GRM8: variants seen among roughly 807,000 people sequenced by gnomAD.
GRM8 encodes the protein metabotropic glutamate receptor 8.
A neutral mutation model predicts 87.2 loss-of-function variants in GRM8; 47 were observed. The ratio of observed to expected loss-of-function variants is 0.54; its 90% CI spans 0.43 to 0.69. The LOEUF is 0.69. GRM8 is among the 30% of genes least tolerant of loss of function. GRM8 has a pLI of 0.00. For synonymous variants in GRM8, 396 were observed against 404.5 expected, an observed-to-expected ratio of 0.98 and a Z score of 0.25; for missense variants, 1,019 against 1,139.2, an observed-to-expected ratio of 0.89 and a Z score of 1.52.
At chr7:127,131,921 T>C (rs1397234354) in intron 2 of GRM8, among the ~76,000 whole-genome samples, 1 of 152,208 alleles carries the variant, frequency 6.6e-6, no homozygotes, top group African/African-American at 2.4e-5. Context: ...AATGCAAGAG[T>C]AATCTGAACA....
intron 6 of GRM8, among the ~76,000 whole-genome samples, chr7:126,884,366 G>C (rs1800294706): frequency 1.3e-5 from 2 of 152,002 alleles, no homozygotes; most frequent in African/African-American, 4.8e-5. Context: ...TGTTTATATG[G>C]GAGTTCTGTG....
At chr7:126,541,401 AG>A (rs943596718) in intron 8 of GRM8, among the ~76,000 whole-genome samples, 7 of 152,232 alleles carry the variant, frequency 4.6e-5, no homozygotes, top group Non-Finnish European at 1.0e-4. Flanking sequence ...CAGTGGATGG[AG>A]TAGCAAGAAA....
At chr7:126,792,716 C>CT (rs1453734077) in intron 6 of GRM8, among the ~76,000 whole-genome samples, 2 of 152,104 alleles carry the variant, frequency 1.3e-5, no homozygotes, top group Non-Finnish European at 2.9e-5. Context: ...TTACGGGGTG[C>CT]TTTTTTTCCA....
At chr7:126,892,924 A>G (rs1801196233) in intron 6 of GRM8, among the ~76,000 whole-genome samples, 1 of 152,130 alleles carries the variant, frequency 6.6e-6, no homozygotes, top group Admixed American at 6.6e-5. Flanking sequence ...TTTTGGCTGC[A>G]TAAATGTCTT....
At chr7:126,928,604 G>T (rs938877244) in intron 3 of GRM8, among the ~76,000 whole-genome samples, 1 of 151,540 alleles carries the variant, frequency 6.6e-6, no homozygotes, top group Non-Finnish European at 1.5e-5. Flanking sequence ...CCCAGGAGGT[G>T]GAGGCTGCAG....
intron 6 of GRM8, among the ~76,000 whole-genome samples, chr7:126,794,704 G>T (rs1821769416): frequency 6.6e-6 from 1 of 152,154 alleles, no homozygotes; most frequent in Admixed American, 6.5e-5. Context: ...CCCTAAAACG[G>T]TGTTTGTCAA....
chr7:126,597,929 G>T (rs963040751), intron 8 of GRM8, among the ~76,000 whole-genome samples: 30 of 151,994 alleles, frequency 2.0e-4, no homozygotes, highest in Non-Finnish European at 2.9e-5. Context: ...GGAACATTCT[G>T]AATCTTCTCT....
chr7:126,850,559 TTGGA>T (rs1257931991), intron 6 of GRM8, among the ~76,000 whole-genome samples: 1 of 152,124 alleles, frequency 6.6e-6, no homozygotes, highest in African/African-American at 2.4e-5. Context: ...TAGGATTTGG[TTGGA>T]TGATTTTGGA....
In GRM8 at chr7:127,199,612, G is replaced by A. The variant is rs1239633734; in HGVS notation, c.510+43083C>T. ...CTGCATTGTTTGTGCTATATCATGAGAGAACAGGGGCACATGAGGACAAGA... is the reference window on the plus strand; with the variant it reads ...CTGCATTGTTTGTGCTATATCATGAAAGAACAGGGGCACATGAGGACAAGA... On this transcript the variant is annotated intron_variant, in intron 2 of 10. Transcript: ENST00000339582. 4.6e-5 allele frequency among the ~76,000 whole-genome samples: 7 copies of A among 152,194 alleles called. No individual in the cohort carries two copies. The East Asian group carries it at 1.3e-3, about 29-fold the overall frequency.
intron 9 of GRM8, among the ~76,000 whole-genome samples, chr7:126,483,351 C>T (rs1175942477): frequency 1.3e-5 from 2 of 150,868 alleles, no homozygotes; most frequent in Non-Finnish European, 3.0e-5. Context: ...ACACTTATAA[C>T]TAGACTTGAG....
intron 6 of GRM8, among the ~76,000 whole-genome samples, chr7:126,874,774 T>C (rs1393122211): frequency 3.3e-5 from 5 of 152,156 alleles, no homozygotes; most frequent in Non-Finnish European, 7.4e-5. Context: ...TTTCTTCCTA[T>C]GAATGCAAAT....
intron 10 of GRM8, 169 bp downstream of exon 10, chr7:126,445,957 A>C (rs1801969944): frequency 1.3e-6 from 1 of 744,364 alleles, no homozygotes; most frequent in Non-Finnish European, 2.3e-6. Flanking sequence ...TCATCTTGAG[A>C]CCATTTGCTT....
At chr7:126,750,307 GA>G (rs993826189) in intron 7 of GRM8, among the ~76,000 whole-genome samples, 8 of 152,018 alleles carry the variant, frequency 5.3e-5, no homozygotes, top group Admixed American at 3.3e-4. Flanking sequence ...TGATTTCTAA[GA>G]AATGGGATTC....
chr7:126,931,753 C>T, intron 3 of GRM8, among the ~76,000 whole-genome samples: 1 of 152,216 alleles, frequency 6.6e-6, no homozygotes. Context: ...AATGAGTCCA[C>T]TGCTTCCTCA....
chr7:126,525,865 G>A (rs919591186), intron 9 of GRM8, among the ~76,000 whole-genome samples: 7 of 151,926 alleles, frequency 4.6e-5, no homozygotes, highest in African/African-American at 1.7e-4. Context: ...CCATTATCTT[G>A]AACCAGAAAC....
At chr7:126,511,203 A>C (rs965911530) in intron 9 of GRM8, 3 of 152,150 alleles carry the variant, frequency 2.0e-5, no homozygotes, top group Non-Finnish European at 2.9e-5. Flanking sequence ...GACGAAGCTC[A>C]GTGAAAATTT....
chr7:127,096,064 G>A lies in GRM8; in HGVS notation c.727+10432C>T, dbSNP rs17862290. Among the ~76,000 whole-genome samples the A allele has an allele frequency of 4.8e-3, 731 of 152,336 alleles. 1 individual carries two copies. The highest frequency in any genetic ancestry group is 7.8e-3 in the Admixed American group (120 of 15,302). Reference sequence around the variant, plus strand: ...TAACTATGGGCCAGCACTATGTCAGGTAATACATTAGTCATGTGAAGAAAC... The same window carrying A: ...TAACTATGGGCCAGCACTATGTCAGATAATACATTAGTCATGTGAAGAAAC... On this transcript the variant is annotated intron_variant, in intron 3 of 10. Coordinates refer to ENST00000339582, the MANE Select transcript of GRM8 (RefSeq NM_000845.3).
At chr7:127,224,560 G>A (rs1403832878) in intron 2 of GRM8, among the ~76,000 whole-genome samples, 2 of 152,054 alleles carry the variant, frequency 1.3e-5, no homozygotes, top group African/African-American at 4.8e-5. Context: ...AAACAAAAAG[G>A]AAAAGATAAA....
intron 2 of GRM8, among the ~76,000 whole-genome samples, chr7:127,115,972 G>C (rs1055400187): frequency 6.6e-6 from 1 of 152,006 alleles, no homozygotes; most frequent in African/African-American, 2.4e-5. Flanking sequence ...TAAAAAATTT[G>C]CCAGGCATGG....
Sources: gnomAD v4.1 joint callset for allele counts (sites outside exome capture counted in the v4.1 genomes callset) on GRCh38, gnomAD v4.1.1 for gene constraint, MANE v1.5 for transcripts, NCBI Gene and HGNC (gene_info 2026-07-23, HGNC 2026-07-21) for gene names.